Variants in ABI3BP observed in about 807,000 individuals in gnomAD.
ABI3BP encodes the protein target of Nesh-SH3.
ABI3BP carries 216 observed loss-of-function variants against 268.6 expected under a neutral mutation model. That is an observed-to-expected ratio of 0.80 (90% CI 0.72 to 0.90). The LOEUF (loss-of-function observed/expected upper bound fraction) is 0.90. Among genes scored for constraint, ABI3BP ranks in the 40% least tolerant of loss-of-function variants. The probability of loss-of-function intolerance (pLI) is 0.00; values close to 1 mark genes in which losing one functional copy is unlikely to be tolerated. For synonymous variants in ABI3BP, 730 were observed against 730.0 expected, an observed-to-expected ratio of 1.00 and a Z score of 0.00; for missense variants, 2,090 against 2,182.4, an observed-to-expected ratio of 0.96 and a Z score of 0.84.
intron 40 of ABI3BP, among the ~76,000 whole-genome samples, chr3:100,819,263 G>A (rs1322578350): frequency 2.0e-5 from 3 of 152,126 alleles, no homozygotes; most frequent in African/African-American, 7.2e-5. Context: ...GGAAGCATGT[G>A]CCCTCTGACT....
At chr3:100,852,440 T>C (rs1340904023) in intron 14 of ABI3BP, among the ~76,000 whole-genome samples, 1 of 152,188 alleles carries the variant, frequency 6.6e-6, no homozygotes, top group Non-Finnish European at 1.5e-5. Context: ...ATACATCAAC[T>C]TATTGAACCC....
chr3:100,976,457 C>G (rs1399590307), intron 1 of ABI3BP, among the ~76,000 whole-genome samples: 5 of 152,126 alleles, frequency 3.3e-5, no homozygotes. Context: ...AGCTGTATTC[C>G]TTCCTCAGTT....
At chr3:100,867,624 G>A in intron 9 of ABI3BP, among the ~76,000 whole-genome samples, 2 of 120,396 alleles carry the variant, frequency 1.7e-5, no homozygotes, top group South Asian at 2.8e-4. Context: ...CTGGGTGACA[G>A]AGCGAGACCC....
intron 6 of ABI3BP, among the ~76,000 whole-genome samples, chr3:100,878,571 GATAAGT>G (rs1184235471): frequency 6.0e-4 from 91 of 152,340 alleles, no homozygotes; most frequent in Non-Finnish European, 1.0e-4. Context: ...ATAGTAGGAA[GATAAGT>G]ATAACTTTCA....
At chr3:100,940,085 CT>C (rs1297784358) in intron 1 of ABI3BP, among the ~76,000 whole-genome samples, 1 of 151,912 alleles carries the variant, frequency 6.6e-6, no homozygotes, top group Non-Finnish European at 1.5e-5. Flanking sequence ...TTATCCTGTT[CT>C]TTTTTCAAGG....
chr3:100,852,719 C>G (rs2098867529), intron 14 of ABI3BP, among the ~76,000 whole-genome samples: 1 of 152,184 alleles, frequency 6.6e-6, no homozygotes, highest in South Asian at 2.1e-4. Context: ...TCCATACAGC[C>G]ATGAGCCTTT....
At chr3:100,775,437 G>A in intron 59 of ABI3BP, 102 bp from the exon 60 acceptor site, 1 of 1,464,994 alleles carries the variant, frequency 6.8e-7, no homozygotes, top group Non-Finnish European at 9.2e-7. Flanking sequence ...TGACCATGTG[G>A]CTTGGCACTA....
chr3:100,914,551 G>A (rs146936157), intron 2 of ABI3BP: 81 of 401,204 alleles, frequency 2.0e-4, no homozygotes, highest in African/African-American at 1.3e-3. Flanking sequence ...ATGTTGGTGC[G>A]GATGTCACAA....
intron 2 of ABI3BP, chr3:100,914,329 C>G: frequency 2.6e-6 from 1 of 388,962 alleles, no homozygotes; most frequent in East Asian, 7.2e-5. Flanking sequence ...TGTTATGCCC[C>G]ATGGCTTGGA....
intron 62 of ABI3BP, among the ~76,000 whole-genome samples, chr3:100,767,266 T>C (rs1378253480): frequency 1.3e-5 from 2 of 152,178 alleles, no homozygotes; most frequent in Non-Finnish European, 2.9e-5. Context: ...ATTGCATATT[T>C]AAAATACCCC....
At chr3:100,954,691 C>T (rs997059346) in intron 1 of ABI3BP, among the ~76,000 whole-genome samples, 1 of 152,158 alleles carries the variant, frequency 6.6e-6, no homozygotes, top group African/African-American at 2.4e-5. Flanking sequence ...TTACATCACA[C>T]ATGGATGATC....
intron 38 of ABI3BP, among the ~76,000 whole-genome samples, chr3:100,821,361 G>A (rs1323327088): frequency 6.6e-6 from 1 of 152,072 alleles, no homozygotes; most frequent in Non-Finnish European, 1.5e-5. Context: ...GGACTATGTA[G>A]GTATTGCTAA....
At chr3:100,750,830 G>A (rs2095272956) in intron 67 of ABI3BP, among the ~76,000 whole-genome samples, 1 of 152,198 alleles carries the variant, frequency 6.6e-6, no homozygotes, top group African/African-American at 2.4e-5. Flanking sequence ...GCCGTGTCAA[G>A]TTAGGAGGGG....
chr3:100,858,424 TA>T (rs2098962117), intron 14 of ABI3BP, among the ~76,000 whole-genome samples: 2 of 152,312 alleles, frequency 1.3e-5, no homozygotes, highest in South Asian at 4.1e-4. Context: ...AAATTTCAAA[TA>T]TTCTGTCCCC....
chr3:100,941,415 A>T (rs1328803131), intron 1 of ABI3BP, among the ~76,000 whole-genome samples: 2 of 152,084 alleles, frequency 1.3e-5, no homozygotes, highest in African/African-American at 4.8e-5. Flanking sequence ...TTATTAGGAC[A>T]TTTTCATCAC....
At position 100,813,840 on chromosome 3, in the gene ABI3BP, T is replaced by C. The variant is rs540985721; in HGVS notation, c.3290-105A>G. 9.2e-6 allele frequency: 9 copies of C among 976,664 alleles called. No individual in the cohort carries two copies. The Middle Eastern group carries it at 6.5e-4, about 71-fold the overall frequency. 60.5% of individuals were successfully genotyped at this position (976,664 alleles called of 1,614,324 possible). ...TAAAATACACAGACCCTGAAAATCATGAGGTTATGGAGAGCCATACAGAAT... is the reference window on the plus strand; with the variant it reads ...TAAAATACACAGACCCTGAAAATCACGAGGTTATGGAGAGCCATACAGAAT... On this transcript the variant is annotated intron_variant, in intron 44 of 67. Coordinates refer to ENST00000471714, the MANE Select transcript of ABI3BP (RefSeq NM_001375547.2).
chr3:100,857,737 TC>T (rs1198681471), intron 14 of ABI3BP, among the ~76,000 whole-genome samples: 1 of 152,308 alleles, frequency 6.6e-6, no homozygotes, highest in African/African-American at 2.4e-5. Flanking sequence ...GCCTAATTTT[TC>T]CCCCCTCTAA....
At chr3:100,906,938 G>A (rs879902194) in intron 2 of ABI3BP, among the ~76,000 whole-genome samples, 14 of 152,172 alleles carry the variant, frequency 9.2e-5, no homozygotes, top group Admixed American at 6.5e-5. Context: ...TGCTATTAAA[G>A]TGTCCACAAA....
At chr3:100,911,632 A>G (rs1417822472) in intron 2 of ABI3BP, 7 of 708,748 alleles carry the variant, frequency 9.9e-6, no homozygotes, top group Non-Finnish European at 1.8e-5. Context: ...AAACCAGTGG[A>G]TGTAGAGGAA....
Sources: allele counts gnomAD v4.1 joint callset (sites outside exome capture counted in the v4.1 genomes callset), GRCh38; gene constraint gnomAD v4.1.1; transcripts MANE v1.5; gene names NCBI Gene and HGNC (gene_info 2026-07-23, HGNC 2026-07-21).